The following FAT3 variants were observed in gnomAD, a reference collection of about 807,000 sequenced individuals.
FAT3 encodes FAT atypical cadherin 3.
In FAT3, 95 loss-of-function variants were observed where a neutral mutation model predicts 310.2. The ratio of observed to expected loss-of-function variants is 0.31; its 90% confidence interval spans 0.26 to 0.36. FAT3 has a LOEUF of 0.36. FAT3 is among the 10% of genes least tolerant of loss of function. The pLI is 1.00. For missense variants in FAT3, 5,408 were observed against 5,715.6 expected (o/e 0.95, Z 1.74); for synonymous variants, 2,314 against 2,192.9 (o/e 1.06, Z -1.54).
intron 3 of FAT3, among the ~76,000 whole-genome samples, chr11:92,635,759 A>T (rs1439900956): frequency 6.6e-6 from 1 of 152,248 alleles, no homozygotes; most frequent in Non-Finnish European, 1.5e-5. Flanking sequence ...AGTGACTTAA[A>T]TACTTACAAT....
intron 4 of FAT3, among the ~76,000 whole-genome samples, chr11:92,719,120 A>C (rs1262844103): frequency 1.3e-5 from 2 of 152,176 alleles, no homozygotes; most frequent in Admixed American, 1.3e-4. Context: ...CCTATCTCTG[A>C]ATATTTTATA....
intron 2 of FAT3, among the ~76,000 whole-genome samples, chr11:92,511,727 G>C (rs565964912): frequency 2.0e-5 from 3 of 152,260 alleles, no homozygotes; most frequent in African/African-American, 7.2e-5. Context: ...TGTGGAGATG[G>C]ATTGAAGGAG....
intron 1 of FAT3, among the ~76,000 whole-genome samples, chr11:92,321,125 T>G (rs142676628): frequency 1.6e-4 from 24 of 152,106 alleles, no homozygotes; most frequent in Non-Finnish European, 2.8e-4. Flanking sequence ...GAGAAGAGAA[T>G]GAAGGATCTT....
intron 1 of FAT3, among the ~76,000 whole-genome samples, chr11:92,284,988 A>C (rs1946522240): frequency 6.6e-6 from 1 of 152,168 alleles, no homozygotes; most frequent in African/African-American, 2.4e-5. Context: ...TGGGTGATAG[A>C]ATTTTCTATT....
At chr11:92,583,814 T>C (rs1364455790) in intron 3 of FAT3, among the ~76,000 whole-genome samples, 1 of 152,070 alleles carries the variant, frequency 6.6e-6, no homozygotes, top group Middle Eastern at 3.4e-3. Context: ...TGGAAAAGAT[T>C]TTAGGGATGA....
intron 2 of FAT3, among the ~76,000 whole-genome samples, chr11:92,427,847 C>T (rs1406576269): frequency 2.0e-5 from 3 of 152,046 alleles, no homozygotes; most frequent in African/African-American, 7.2e-5. Flanking sequence ...TGTTGTGTCT[C>T]TGTCAGGTTT....
chr11:92,317,934 C>T (rs1167915689), intron 1 of FAT3, among the ~76,000 whole-genome samples: 1 of 152,176 alleles, frequency 6.6e-6, no homozygotes, highest in East Asian at 1.9e-4. Flanking sequence ...TGGAACTTTG[C>T]CCACAGTGAC....
intron 1 of FAT3, among the ~76,000 whole-genome samples, chr11:92,242,121 A>G (rs1035040583): frequency 1.3e-5 from 2 of 152,090 alleles, no homozygotes; most frequent in African/African-American, 2.4e-5. Flanking sequence ...TTGAGCAACT[A>G]TTGTGTTTAA....
chr11:92,679,575 G>T (rs1943405970), intron 3 of FAT3, among the ~76,000 whole-genome samples: 1 of 151,844 alleles, frequency 6.6e-6, no homozygotes, highest in African/African-American at 2.4e-5. Flanking sequence ...AGGCACGGTG[G>T]CTCACGCCTG....
chr11:92,560,449 G>C (rs635259), intron 3 of FAT3, among the ~76,000 whole-genome samples: 3 of 149,952 alleles, frequency 2.0e-5, no homozygotes, highest in Non-Finnish European at 3.0e-5. Flanking sequence ...TAAAGTCTAG[G>C]TTTTTTTTTT....
At chr11:92,822,183 G>T (rs1394133522) in intron 13 of FAT3, among the ~76,000 whole-genome samples, 1 of 152,134 alleles carries the variant, frequency 6.6e-6, no homozygotes, top group Non-Finnish European at 1.5e-5. Context: ...CAAAAAGGAG[G>T]TATCTTAAGC....
At chr11:92,890,411 G>A (rs1358486964) in intron 27 of FAT3, 80 bp from the exon 28 acceptor site, 3 of 1,489,246 alleles carry the variant, frequency 2.0e-6, no homozygotes, top group Non-Finnish European at 2.7e-6. Context: ...TTGCATGTCA[G>A]GTCCCTTCCC....
chr11:92,885,824 C>T (rs544948240), intron 24 of FAT3, among the ~76,000 whole-genome samples: 2 of 152,274 alleles, frequency 1.3e-5, no homozygotes, highest in Non-Finnish European at 2.9e-5. Context: ...TGAAGCTCAT[C>T]GTCATATTTT....
At chr11:92,499,189 G>T (rs958417714) in intron 2 of FAT3, among the ~76,000 whole-genome samples, 34 of 152,112 alleles carry the variant, frequency 2.2e-4, no homozygotes, top group African/African-American at 7.7e-4. Context: ...AAAGGGAAGA[G>T]AATGGTAAGT....
At chr11:92,283,395 A>G (rs1946478445) in intron 1 of FAT3, among the ~76,000 whole-genome samples, 1 of 152,088 alleles carries the variant, frequency 6.6e-6, no homozygotes, top group African/African-American at 2.4e-5. Flanking sequence ...TCATTTTCCA[A>G]CACATCCTGG....
intron 4 of FAT3, among the ~76,000 whole-genome samples, chr11:92,705,538 ATGGTGTGATGGTGG>A (rs1309892914): frequency 2.2e-4 from 4 of 18,288 alleles, no homozygotes; most frequent in Admixed American, 6.8e-4. Context: ...TGGTGGTGTG[ATGGTGTGATGGTGG>A]TGGTGTGATG....
chr11:92,671,034 T>A (rs1457682424), intron 3 of FAT3, among the ~76,000 whole-genome samples: 1 of 151,632 alleles, frequency 6.6e-6, no homozygotes, highest in African/African-American at 2.4e-5. Context: ...GGCTCACGGT[T>A]TTTGTTTTTT....
intron 3 of FAT3, among the ~76,000 whole-genome samples, chr11:92,600,173 T>C (rs542728192): frequency 3.1e-4 from 47 of 152,356 alleles, no homozygotes; most frequent in African/African-American, 1.1e-3. Flanking sequence ...AGTCAGAACC[T>C]GCTTCTGGCA....
At chr11:92,610,912 G>T (rs1333464393) in intron 3 of FAT3, among the ~76,000 whole-genome samples, 1 of 152,086 alleles carries the variant, frequency 6.6e-6, no homozygotes, top group African/African-American at 2.4e-5. Context: ...AGATGCTTTT[G>T]TCTGAACCCA....
Sources: gnomAD v4.1 joint callset for allele counts (sites outside exome capture counted in the v4.1 genomes callset) on GRCh38, gnomAD v4.1.1 for gene constraint, MANE v1.5 for transcripts, NCBI Gene and HGNC (gene_info 2026-07-23, HGNC 2026-07-21) for gene names.